CEP135: variants seen among roughly 807,000 people sequenced by gnomAD.
CEP135 encodes the protein centrosomal protein of 135 kDa.
CEP135 carries 142 observed loss-of-function variants against 157.3 expected under a neutral mutation model. That is an observed-to-expected ratio of 0.90 (90% CI 0.79 to 1.04). The LOEUF is 1.04. Ranked by LOEUF, CEP135 falls within the 50% of genes least tolerant of loss-of-function variation. CEP135 has a pLI of 0.00. For missense variants in CEP135, 1,317 were observed against 1,309.2 expected (o/e 1.01, Z -0.09); for synonymous variants, 396 against 439.8 (o/e 0.90, Z 1.25).
intron 17 of CEP135, among the ~76,000 whole-genome samples, chr4:56,000,961 C>T (rs943986645): frequency 2.5e-4 from 38 of 152,030 alleles, no homozygotes; most frequent in African/African-American, 7.5e-4. Flanking sequence ...TGGGGTGAGA[C>T]GATATCTCAT....
Position 55,954,198 on chromosome 4 carries a change from A to C in CEP135, c.305-18A>C. 1 of 1,555,560 alleles carries C rather than the reference A, an allele frequency of 6.4e-7. No individual in the cohort carries two copies. The highest frequency in any genetic ancestry group is 2.3e-5 in the East Asian group (1 of 43,316). ...TTCTTGATCTTTAAAACGGTCTTTG[A>C]ATCTTTTTCATTTTAAGAGTTGAAA... is the stretch of plus-strand genomic sequence containing the variant. On this transcript the variant is annotated intron_variant, in intron 3 of 25. Coordinates refer to ENST00000257287, the MANE Select transcript of CEP135 (RefSeq NM_025009.5).
intron 17 of CEP135, 73 bp from the exon 18 acceptor site, chr4:56,008,254 A>G: frequency 9.4e-7 from 1 of 1,061,976 alleles, no homozygotes. Flanking sequence ...AACTATATGA[A>G]TATGACAAGT....
intron 13 of CEP135, among the ~76,000 whole-genome samples, chr4:55,982,985 A>C (rs1002563770): frequency 1.3e-5 from 2 of 152,202 alleles, no homozygotes; most frequent in African/African-American, 4.8e-5. Context: ...TAATGCTTTG[A>C]AAGTAGCAGC....
At position 55,971,303 on chromosome 4, in the gene CEP135, CTGAG is replaced by C. The variant is rs1729018935; in HGVS notation, c.1148_1151del (p.Ser383MetfsTer5). 2.5e-6 allele frequency: 4 copies of C among 1,600,736 alleles called. No individual in the cohort carries two copies. In the African/African-American group the frequency reaches 4.0e-5, roughly 16 times the overall value. On this transcript the variant is annotated frameshift_variant, in exon 10 of 26. Coordinates refer to ENST00000257287, the MANE Select transcript of CEP135 (RefSeq NM_025009.5). LOFTEE classifies it high-confidence loss of function. ...CTTATGCCAGAAAGAAAAGGAGAGA[CTGAG>C]TGATGAACTCCTTGTAAAATCAGAC...
chr4:55,974,943 A>C lies in CEP135; in HGVS notation c.1447A>C (p.Ser483Arg). 1 of 1,605,552 alleles carries C rather than the reference A, an allele frequency of 6.2e-7. No homozygotes were observed. ...TACAAGTTATAGCGCACGTGAAAAA[A>C]GTTCAATATTTAGAACACCAGAAAA... ...CSTSYSAREK[S>R]SIFRTPEKGD... Residue 483 changes from serine to arginine, a missense_variant, in exon 11 of 26, where the codon AGT becomes CGT. Transcript: ENST00000257287.
chr4:55,978,006 C>T (rs1032258940), intron 11 of CEP135, among the ~76,000 whole-genome samples: 1 of 152,166 alleles, frequency 6.6e-6, no homozygotes, highest in Non-Finnish European at 1.5e-5. Context: ...CAGCCTTCAG[C>T]ATTGCGCATG....
At chr4:55,992,610 T>C (rs376348251) in intron 15 of CEP135, among the ~76,000 whole-genome samples, 1 of 152,144 alleles carries the variant, frequency 6.6e-6, no homozygotes, top group African/African-American at 2.4e-5. Flanking sequence ...GGTGGAAATA[T>C]GGAACATGGA....
At chr4:55,988,035 T>A (rs1443714104) in intron 14 of CEP135, among the ~76,000 whole-genome samples, 1 of 152,200 alleles carries the variant, frequency 6.6e-6, no homozygotes, top group East Asian at 1.9e-4. Context: ...TAATACAATT[T>A]ACCTATGGAT....
intron 24 of CEP135, 92 bp downstream of exon 24, chr4:56,020,872 CTT>C: frequency 1.1e-6 from 1 of 944,286 alleles, no homozygotes. Flanking sequence ...AAATAACAAA[CTT>C]TTTAAAAAGC....
intron 1 of CEP135, among the ~76,000 whole-genome samples, chr4:55,950,869 T>G (rs1296398616): frequency 6.6e-6 from 1 of 152,126 alleles, no homozygotes; most frequent in Non-Finnish European, 1.5e-5. Context: ...ACTACCCCAA[T>G]CAATGTAATA....
chr4:55,999,615 T>C lies in CEP135; in HGVS notation c.2250T>C (p.Ile750=). The C allele has an allele frequency of 6.3e-7, 1 of 1,596,152 alleles. No homozygotes were observed. Among genetic ancestry groups the C allele is most frequent in the Non-Finnish European group, 8.5e-7 (1 of 1,176,138 alleles). ...CTGTAGATGAGAAGACAGAAAAGATTGCAAATTTGCAAGAAAACCTAGCTA... is the reference window on the plus strand; with the variant it reads ...CTGTAGATGAGAAGACAGAAAAGATCGCAAATTTGCAAGAAAACCTAGCTA... ...QETVDEKTEK[I]ANLQENLANK... The change falls in exon 17 of 26, where the codon ATT becomes ATC. Residue 750 remains isoleucine, a synonymous_variant. Coordinates refer to ENST00000257287, the MANE Select transcript of CEP135 (RefSeq NM_025009.5).
intron 25 of CEP135, 55 bp downstream of exon 25, chr4:56,024,669 G>A: frequency 8.1e-7 from 1 of 1,241,764 alleles, no homozygotes. Flanking sequence ...TAAAAATTCA[G>A]AAAGTAGTTT....
In CEP135 at chr4:56,010,253, C is replaced by G. The variant is rs1482545384; in HGVS notation, c.2505+350C>G. Among the ~76,000 whole-genome samples the G allele has an allele frequency of 1.1e-4, 16 of 148,222 alleles. No individual in the cohort carries two copies. The Admixed American group carries it at 1.1e-3, about 10-fold the overall frequency. Reference sequence around the variant, plus strand: ...CGGCATGCGCCTGTAATCCCAGCTGCTCGGAAGGCTGAGGCAGGAGAATCA... The same window carrying G: ...CGGCATGCGCCTGTAATCCCAGCTGGTCGGAAGGCTGAGGCAGGAGAATCA... On this transcript the variant is annotated intron_variant, in intron 19 of 25. Transcript: ENST00000257287.
intron 15 of CEP135, among the ~76,000 whole-genome samples, chr4:55,994,939 G>T: frequency 6.6e-6 from 1 of 152,132 alleles, no homozygotes; most frequent in East Asian, 1.9e-4. Flanking sequence ...ATCCGCCTGG[G>T]CCTCCCAAAG....
chr4:55,982,873 A>G (rs1301457240), intron 13 of CEP135, among the ~76,000 whole-genome samples: 1 of 152,198 alleles, frequency 6.6e-6, no homozygotes, highest in Admixed American at 6.5e-5. Flanking sequence ...AAATATAAGT[A>G]TATTAATACA....
chr4:55,952,194 C>A lies in CEP135; in HGVS notation c.64C>A (p.Arg22Ser), dbSNP rs150681316. The A allele has an allele frequency of 1.2e-6, 2 of 1,613,158 alleles. No homozygotes were observed. Among genetic ancestry groups the A allele is most frequent in the Non-Finnish European group, 1.7e-6 (2 of 1,179,262 alleles). Residue 22 changes from arginine to serine, a missense_variant, in exon 2 of 26, where the codon CGC becomes AGC. Transcript: ENST00000257287. The part of the protein sequence containing the change: ...IRKRLDQLGY[R>S]QTLTVECLPL... ...GAAAAGGCTGGATCAGCTGGGATAC[C>A]GCCAGACTCTGACAGTGGAGTGTTT...
At chr4:55,989,453 G>A (rs1054104341) in intron 14 of CEP135, among the ~76,000 whole-genome samples, 1 of 152,180 alleles carries the variant, frequency 6.6e-6, no homozygotes, top group African/African-American at 2.4e-5. Flanking sequence ...GCTAGCAGAT[G>A]TCTGGTGCCA....
At chr4:55,976,021 G>A (rs938623638) in intron 11 of CEP135, among the ~76,000 whole-genome samples, 20 of 152,198 alleles carry the variant, frequency 1.3e-4, no homozygotes, top group East Asian at 1.2e-3. Context: ...AGGCCAAGGC[G>A]GGAGGATCAC....
In CEP135 at chr4:55,974,914, G is replaced by T. The variant is rs909435419; in HGVS notation, c.1418G>T (p.Cys473Phe). 1 of 1,612,792 alleles carries T rather than the reference G, an allele frequency of 6.2e-7. No individual in the cohort carries two copies. The highest frequency in any genetic ancestry group is 2.2e-5 in the East Asian group (1 of 44,824). ...RLQHIIQRRS[C>F]STSYSAREKS... is the part of the protein sequence containing the mutation. ...CAACATATAATACAGCGAAGATCTTGCTCTACAAGTTATAGCGCACGTGAA... is the reference window on the plus strand; with the variant it reads ...CAACATATAATACAGCGAAGATCTTTCTCTACAAGTTATAGCGCACGTGAA... Residue 473 changes from cysteine to phenylalanine, a missense_variant, in exon 11 of 26, where the codon TGC becomes TTC. Physicochemically the swap from Cys to Phe is radical, Grantham distance 205. Coordinates refer to ENST00000257287, the MANE Select transcript of CEP135 (RefSeq NM_025009.5).
Sources: gnomAD v4.1 joint callset for allele counts (sites outside exome capture counted in the v4.1 genomes callset) on GRCh38, gnomAD v4.1.1 for gene constraint, MANE v1.5 for transcripts, NCBI Gene and HGNC (gene_info 2026-07-23, HGNC 2026-07-21) for gene names.